The following RGS6 variants were observed in gnomAD, a reference collection of about 807,000 sequenced individuals.
RGS6 encodes the protein regulator of G protein signaling 6.
A neutral mutation model predicts 78.5 loss-of-function variants in RGS6; 30 were observed. The observed-to-expected ratio is 0.38, with a 90% CI of 0.29 to 0.52. The LOEUF (loss-of-function observed/expected upper bound fraction) is 0.52. RGS6 is among the 20% of genes least tolerant of loss of function. The pLI, the probability that RGS6 is intolerant of heterozygous loss-of-function variation, is 0.85. For synonymous variants in RGS6, 206 were observed against 206.0 expected (o/e 1.00, Z 0.00); for missense variants, 495 against 609.7 (o/e 0.81, Z 1.98).
chr14:72,027,125 G>A (rs2090016657), intron 2 of RGS6, among the ~76,000 whole-genome samples: 1 of 152,144 alleles, frequency 6.6e-6, no homozygotes, highest in Non-Finnish European at 1.5e-5. Context: ...TCAGGGCCTT[G>A]TGGGTCATGG....
chr14:72,247,864 G>A (rs959361710), intron 2 of RGS6, among the ~76,000 whole-genome samples: 1 of 152,142 alleles, frequency 6.6e-6, no homozygotes, highest in Non-Finnish European at 1.5e-5. Flanking sequence ...ACCCTCACCA[G>A]ATGCCAGCCC....
intron 2 of RGS6, among the ~76,000 whole-genome samples, chr14:72,007,370 C>T (rs58870443): frequency 0.06 from 9,122 of 152,054 alleles, 626 homozygotes; most frequent in East Asian, 0.21. Context: ...GCCAAGGATG[C>T]GACTATAAAG....
chr14:72,598,185 G>A, the RGS6 span, among the ~76,000 whole-genome samples: 3 of 152,334 alleles, frequency 2.0e-5, no homozygotes, highest in Middle Eastern at 3.4e-3. Context: ...ACAGGCCAGG[G>A]CCAGCACCTA....
chr14:72,329,397 G>T (rs957995463), intron 2 of RGS6, among the ~76,000 whole-genome samples: 3 of 152,234 alleles, frequency 2.0e-5, no homozygotes, highest in African/African-American at 7.2e-5. Flanking sequence ...CTCCAGGTGG[G>T]CAAGGCAGCA....
chr14:72,077,244 G>C (rs1488050042), intron 2 of RGS6, among the ~76,000 whole-genome samples: 5 of 152,000 alleles, frequency 3.3e-5, no homozygotes, highest in Non-Finnish European at 7.4e-5. Context: ...TAATGTGTAT[G>C]AATTCCATCT....
intron 17 of RGS6, among the ~76,000 whole-genome samples, chr14:72,545,011 G>C (rs186186082): frequency 1.8e-3 from 269 of 152,342 alleles, no homozygotes; most frequent in Non-Finnish European, 3.2e-3. Flanking sequence ...TCCTCCTCAA[G>C]GTTTCATGGG....
the RGS6 span, among the ~76,000 whole-genome samples, chr14:71,899,456 A>G: frequency 1.3e-5 from 2 of 152,198 alleles, no homozygotes; most frequent in Non-Finnish European, 2.9e-5. Context: ...TATTGACTTT[A>G]CCTCTACCAC....
At chr14:71,999,490 A>T (rs2082977195) in intron 2 of RGS6, among the ~76,000 whole-genome samples, 1 of 152,234 alleles carries the variant, frequency 6.6e-6, no homozygotes, top group South Asian at 2.1e-4. Flanking sequence ...ACAGGTGGAG[A>T]TGGAGAAGGG....
intron 2 of RGS6, among the ~76,000 whole-genome samples, chr14:72,024,873 T>C (rs2089513514): frequency 6.6e-6 from 1 of 152,180 alleles, no homozygotes; most frequent in South Asian, 2.1e-4. Context: ...TCAAGGAATG[T>C]GAAGCAATGT....
intron 3 of RGS6, among the ~76,000 whole-genome samples, chr14:72,366,217 GACAA>G (rs2082420537): frequency 6.6e-6 from 1 of 152,106 alleles, no homozygotes; most frequent in Admixed American, 6.6e-5. Flanking sequence ...CTCAGATCAG[GACAA>G]ACTCATAGGT....
chr14:72,346,725 G>A (rs913045385), intron 2 of RGS6, among the ~76,000 whole-genome samples: 2 of 152,164 alleles, frequency 1.3e-5, no homozygotes, highest in African/African-American at 4.8e-5. Flanking sequence ...CTTGTCCCAG[G>A]TCAACACAGC....
chr14:71,899,517 T>G, the RGS6 span, among the ~76,000 whole-genome samples: 1 of 152,206 alleles, frequency 6.6e-6, no homozygotes, highest in African/African-American at 2.4e-5. Flanking sequence ...CCCCTCAGTT[T>G]TAGGGATAGG....
At chr14:72,165,763 C>T (rs1029841684) in intron 2 of RGS6, among the ~76,000 whole-genome samples, 3 of 152,068 alleles carry the variant, frequency 2.0e-5, no homozygotes, top group African/African-American at 7.2e-5. Context: ...AGTGTTTTTG[C>T]TCGGAATCAT....
chr14:72,461,950 G>A (rs184203791), intron 6 of RGS6, among the ~76,000 whole-genome samples: 36 of 152,214 alleles, frequency 2.4e-4, no homozygotes, highest in Middle Eastern at 3.4e-3. Context: ...GAGTTAATAC[G>A]GAGTGGTGGT....
At chr14:72,180,866 G>T (rs189816292) in intron 2 of RGS6, among the ~76,000 whole-genome samples, 1 of 152,256 alleles carries the variant, frequency 6.6e-6, no homozygotes, top group African/African-American at 2.4e-5. Context: ...TCCACCATGG[G>T]ACAATCCTCT....
chr14:72,001,100 C>CAAAA (rs1240678085), intron 2 of RGS6, among the ~76,000 whole-genome samples: 1 of 152,134 alleles, frequency 6.6e-6, no homozygotes, highest in Non-Finnish European at 1.5e-5. Context: ...TTGGCCCTGT[C>CAAAA]GTGGGGCCGC....
chr14:72,242,879 C>G (rs1255071718), intron 2 of RGS6, among the ~76,000 whole-genome samples: 2 of 112,878 alleles, frequency 1.8e-5, no homozygotes, highest in Non-Finnish European at 3.3e-5. Flanking sequence ...GATGGAGTCT[C>G]GCTCTGTCAT....
chr14:72,608,667 C>T, the RGS6 span, among the ~76,000 whole-genome samples: 1 of 152,200 alleles, frequency 6.6e-6, no homozygotes, highest in East Asian at 1.9e-4. Context: ...AGCTGCTCTA[C>T]TCCTGCAGAT....
intron 3 of RGS6, among the ~76,000 whole-genome samples, chr14:72,413,693 A>G (rs2093599187): frequency 6.6e-6 from 1 of 152,176 alleles, no homozygotes; most frequent in African/African-American, 2.4e-5. Context: ...ATGTTTTTGC[A>G]GTGGCTGGTA....
Sources: allele counts gnomAD v4.1 joint callset (sites outside exome capture counted in the v4.1 genomes callset), GRCh38; gene constraint gnomAD v4.1.1; transcripts MANE v1.5; gene names NCBI Gene and HGNC (gene_info 2026-07-23, HGNC 2026-07-21).